LIN52: variants seen among roughly 807,000 people sequenced by gnomAD.
LIN52 encodes protein lin-52 homolog.
Under a neutral mutation model 18.5 loss-of-function variants are expected in LIN52, and 4 were observed. The ratio of observed to expected loss-of-function variants is 0.22; its 90% CI spans 0.11 to 0.49. The LOEUF (loss-of-function observed/expected upper bound fraction) is 0.49, where lower values mean the gene tolerates loss of function less well. Among genes scored for constraint, LIN52 ranks in the 20% least tolerant of loss-of-function variants. The pLI, the probability that LIN52 is intolerant of heterozygous loss-of-function variation, is 0.97. For synonymous variants in LIN52, 34 were observed against 45.5 expected, an observed-to-expected ratio of 0.75 and a Z score of 1.02; for missense variants, 102 against 139.5, an observed-to-expected ratio of 0.73 and a Z score of 1.35.
At chr14:74,180,443 T>G (rs2061313532) in intron 5 of LIN52, among the ~76,000 whole-genome samples, 1 of 151,668 alleles carries the variant, frequency 6.6e-6, no homozygotes, top group Non-Finnish European at 1.5e-5. Flanking sequence ...TTTTTTTTTT[T>G]GTATTTTTAG....
chr14:74,193,829 C>G (rs556978946), intron 5 of LIN52, among the ~76,000 whole-genome samples: 1 of 152,170 alleles, frequency 6.6e-6, no homozygotes, highest in Admixed American at 6.5e-5. Flanking sequence ...TTCCTGGCCA[C>G]TCATATTACA....
intron 5 of LIN52, among the ~76,000 whole-genome samples, chr14:74,103,005 C>T (rs2060869341): frequency 6.6e-6 from 1 of 152,148 alleles, no homozygotes; most frequent in Non-Finnish European, 1.5e-5. Context: ...AAATTCCAGG[C>T]ATCATATTAC....
At position 74,114,175 on chromosome 14, in the gene LIN52, AGTGTGTGT is replaced by A. The variant is rs55840907; in HGVS notation, c.283+12968_283+12975del. On this transcript the variant is annotated intron_variant, in intron 5 of 5. Coordinates refer to ENST00000555028, the MANE Select transcript of LIN52 (RefSeq NM_001024674.3). ...ATGCTTTTTTAATATAACTGAGATT[AGTGTGTGT>A]GTGTGTGTGTGTGTGTGTGTGTGTG... 1.3e-3 allele frequency: 1,189 copies of A among 939,478 alleles called. 3 individuals are homozygous for A. Among genetic ancestry groups the A allele is most frequent in the Middle Eastern group, 2.2e-3 (4 of 1,832 alleles). 58.2% of individuals were successfully genotyped at this position (939,478 alleles called of 1,614,324 possible).
At chr14:74,163,796 T>G (rs1419441483) in intron 5 of LIN52, among the ~76,000 whole-genome samples, 1 of 152,078 alleles carries the variant, frequency 6.6e-6, no homozygotes, top group East Asian at 1.9e-4. Flanking sequence ...AGGCTGAAGA[T>G]TGGTGGTACA....
intron 5 of LIN52, among the ~76,000 whole-genome samples, chr14:74,187,083 G>GA (rs2061344295): frequency 1.3e-5 from 2 of 151,204 alleles, no homozygotes; most frequent in South Asian, 4.2e-4. Context: ...TCTCAAAAAA[G>GA]AAAAAAAAGT....
At chr14:74,091,773 CAAAAAA>C (rs573705378) in intron 2 of LIN52, among the ~76,000 whole-genome samples, 3 of 65,304 alleles carry the variant, frequency 4.6e-5, no homozygotes, top group Admixed American at 1.9e-4. Context: ...GACTCTGTCT[CAAAAAA>C]AAAAAAAAAA....
At chr14:74,175,747 CACA>C (rs748809878) in intron 5 of LIN52, among the ~76,000 whole-genome samples, 20,637 of 138,136 alleles carry the variant, frequency 0.15, 1,754 homozygotes, top group Non-Finnish European at 0.2. Context: ...CACACACACA[CACA>C]CCCCCATTAT....
chr14:74,102,767 G>A (rs1260150621), intron 5 of LIN52, among the ~76,000 whole-genome samples: 1 of 152,174 alleles, frequency 6.6e-6, no homozygotes, highest in East Asian at 1.9e-4. Flanking sequence ...TTACCAAATA[G>A]ATTTGTCAGT....
At chr14:74,193,575 G>A (rs543078121) in intron 5 of LIN52, among the ~76,000 whole-genome samples, 7 of 152,314 alleles carry the variant, frequency 4.6e-5, no homozygotes, top group African/African-American at 1.7e-4. Flanking sequence ...TAAAAGAAAT[G>A]AATCTTAGAT....
chr14:74,101,388 C>A, intron 5 of LIN52, 150 bp downstream of exon 5: 1 of 486,996 alleles, frequency 2.1e-6, no homozygotes, highest in Non-Finnish European at 3.6e-6. Context: ...AGAAGTCAAT[C>A]TAATTCATTG....
At chr14:74,194,482 G>A (rs553070001) in intron 5 of LIN52, among the ~76,000 whole-genome samples, 8 of 152,286 alleles carry the variant, frequency 5.3e-5, no homozygotes, top group African/African-American at 1.9e-4. Flanking sequence ...CCATGAACTG[G>A]ATAGCCCTGG....
Position 74,201,256 on chromosome 14 carries a change from G to A in LIN52, c.*2279G>A, listed in dbSNP as rs1251923411. The A allele has an allele frequency of 1.3e-5, 2 of 152,164 alleles. No individual in the cohort carries two copies. The highest frequency in any genetic ancestry group is 3.9e-4 in the East Asian group (2 of 5,178). 9.4% of individuals were successfully genotyped at this position (152,164 alleles called of 1,614,324 possible). A position where few individuals can be genotyped will look rare whatever the true frequency, so the allele number is the denominator to read the frequency against. On this transcript the variant is annotated 3_prime_UTR_variant, in exon 6 of 6. Transcript: ENST00000555028. ...TTACAGGAGGGTGAGTTTTTCCTCA[G>A]AGGGCCGAGTTGGATATTTAAAGCA...
At chr14:74,164,021 G>A (rs1216910387) in intron 5 of LIN52, among the ~76,000 whole-genome samples, 1 of 150,230 alleles carries the variant, frequency 6.7e-6, no homozygotes, top group East Asian at 1.9e-4. Context: ...TCGTGCTGTC[G>A]ACCAGGCTGG....
chr14:74,171,012 C>T (rs1335570790), intron 5 of LIN52, among the ~76,000 whole-genome samples: 15 of 140,774 alleles, frequency 1.1e-4, no homozygotes, highest in Non-Finnish European at 3.0e-5. Flanking sequence ...GAGACTCCGT[C>T]TGTACCAAAA....
intron 5 of LIN52, among the ~76,000 whole-genome samples, chr14:74,134,274 T>C (rs192617283): frequency 1.3e-5 from 2 of 152,364 alleles, no homozygotes; most frequent in African/African-American, 4.8e-5. Flanking sequence ...CTGCTGTCAG[T>C]GACTGTCCTG....
chr14:74,189,335 TA>T (rs2061353792), intron 5 of LIN52, among the ~76,000 whole-genome samples: 1 of 152,198 alleles, frequency 6.6e-6, no homozygotes. Context: ...GAGTATTTAA[TA>T]AAAGTTCTAG....
At chr14:74,142,083 C>G (rs1465357058) in intron 5 of LIN52, among the ~76,000 whole-genome samples, 1 of 152,128 alleles carries the variant, frequency 6.6e-6, no homozygotes, top group Admixed American at 6.5e-5. Context: ...AATCAGTTGT[C>G]TTCTCAGTCA....
In LIN52 at chr14:74,137,498, C is replaced by CTCTTTT. The variant is rs776969152; in HGVS notation, c.283+36261_283+36262insCTTTTT. ...GCACTAAATTCTTCACAGCAGCTCT[C>CTCTTTT]TTTTTTTTTTTTTTTTTTGAGATGG... is the stretch of plus-strand genomic sequence containing the variant. On this transcript the variant is annotated intron_variant, in intron 5 of 5. Transcript: ENST00000555028. Among the ~76,000 whole-genome samples the CTCTTTT allele has an allele frequency of 7.6e-3, 843 of 111,590 alleles. 22 individuals carry two copies. The highest frequency in any genetic ancestry group is 0.011 in the Middle Eastern group (2 of 176). 73.2% of individuals were successfully genotyped at this position (111,590 alleles called of 152,430 possible).
chr14:74,159,803 C>G (rs2061216729), intron 5 of LIN52, among the ~76,000 whole-genome samples: 1 of 152,144 alleles, frequency 6.6e-6, no homozygotes, highest in South Asian at 2.1e-4. Flanking sequence ...AACTCGTGAC[C>G]TCAAGTGATC....
Sources: allele counts gnomAD v4.1 joint callset (sites outside exome capture counted in the v4.1 genomes callset), GRCh38; gene constraint gnomAD v4.1.1; transcripts MANE v1.5; gene names NCBI Gene and HGNC (gene_info 2026-07-23, HGNC 2026-07-21).